Variants in KCNH7 observed in about 807,000 individuals in gnomAD.
KCNH7 encodes potassium voltage-gated channel subfamily H member 7, also known as voltage-gated inwardly rectifying potassium channel KCNH7.
KCNH7 carries 49 observed loss-of-function variants against 120.8 expected under a neutral mutation model. That is an observed-to-expected ratio of 0.41 (90% CI 0.32 to 0.51). The LOEUF is 0.51. KCNH7 is among the 20% of genes least tolerant of loss of function. The pLI is 0.38. For synonymous variants in KCNH7, 547 were observed against 516.1 expected (o/e 1.06, Z -0.81); for missense variants, 1,097 against 1,446.6 (o/e 0.76, Z 3.92).
At chr2:162,633,385 T>G (rs946477748) in intron 2 of KCNH7, among the ~76,000 whole-genome samples, 1 of 152,002 alleles carries the variant, frequency 6.6e-6, no homozygotes. Flanking sequence ...TCCCTTTCTT[T>G]GTGCTTATGA....
At chr2:162,476,612 TA>T (rs1214683124) in intron 6 of KCNH7, among the ~76,000 whole-genome samples, 1 of 152,194 alleles carries the variant, frequency 6.6e-6, no homozygotes, top group Admixed American at 6.5e-5. Context: ...CTTAATATTA[TA>T]GGTTCATTAG....
rs191706456 is a variant in KCNH7, at chr2:162,831,541, T to C, written c.307+4996A>G. Among the ~76,000 whole-genome samples the C allele has an allele frequency of 2.1e-3, 316 of 152,300 alleles. 7 individuals carry two copies. The highest frequency in any genetic ancestry group is 0.018 in the Admixed American group (271 of 15,302). ...TCTAGTATAGATCCCAGATGAATGGTGACACCTCAAAACTTAATACACCAA... is the reference window on the plus strand; with the variant it reads ...TCTAGTATAGATCCCAGATGAATGGCGACACCTCAAAACTTAATACACCAA... On this transcript the variant is annotated intron_variant, in intron 2 of 15. Coordinates refer to ENST00000332142, the MANE Select transcript of KCNH7 (RefSeq NM_033272.4).
chr2:162,710,687 A>G (rs776373794), intron 2 of KCNH7, among the ~76,000 whole-genome samples: 15 of 152,144 alleles, frequency 9.9e-5, no homozygotes, highest in Non-Finnish European at 1.6e-4. Flanking sequence ...TAAGGATGCA[A>G]TAAGTATCAA....
chr2:162,679,648 T>C (rs565556093), intron 2 of KCNH7, among the ~76,000 whole-genome samples: 5 of 151,818 alleles, frequency 3.3e-5, no homozygotes, highest in African/African-American at 9.6e-5. Flanking sequence ...CTTTATATCA[T>C]TATCTTATTT....
At chr2:162,718,701 T>C (rs1687221402) in intron 2 of KCNH7, among the ~76,000 whole-genome samples, 1 of 152,038 alleles carries the variant, frequency 6.6e-6, no homozygotes, top group African/African-American at 2.4e-5. Context: ...TATTATGATA[T>C]ATTTTATGTT....
chr2:162,779,432 C>T (rs1468106250), intron 2 of KCNH7, among the ~76,000 whole-genome samples: 2 of 152,108 alleles, frequency 1.3e-5, no homozygotes, highest in Non-Finnish European at 2.9e-5. Context: ...ATCTCTTGAC[C>T]TCATGATCCA....
chr2:162,813,455 T>G (rs1225386662), intron 2 of KCNH7, among the ~76,000 whole-genome samples: 1 of 152,170 alleles, frequency 6.6e-6, no homozygotes, highest in Non-Finnish European at 1.5e-5. Flanking sequence ...CAGGGGTGAT[T>G]GGTGAGGCTC....
intron 6 of KCNH7, among the ~76,000 whole-genome samples, chr2:162,492,386 C>A (rs1364601918): frequency 6.6e-6 from 1 of 152,186 alleles, no homozygotes; most frequent in Admixed American, 6.5e-5. Context: ...GGGGGCTTGA[C>A]CTTGTAACCA....
chr2:162,780,014 A>G (rs1266452497), intron 2 of KCNH7, among the ~76,000 whole-genome samples: 1 of 152,210 alleles, frequency 6.6e-6, no homozygotes, highest in African/African-American at 2.4e-5. Flanking sequence ...CAAGAATGTT[A>G]GTGGTGCAAA....
At chr2:162,837,528 C>T (rs1257359914) in intron 1 of KCNH7, among the ~76,000 whole-genome samples, 2 of 152,128 alleles carry the variant, frequency 1.3e-5, no homozygotes, top group African/African-American at 4.8e-5. Flanking sequence ...GATTGTGAAG[C>T]AGGATATACA....
At chr2:162,651,900 C>G (rs1684579696) in intron 2 of KCNH7, among the ~76,000 whole-genome samples, 3 of 152,146 alleles carry the variant, frequency 2.0e-5, no homozygotes, top group African/African-American at 7.2e-5. Context: ...GTCATTCTGA[C>G]TGGTGTGAGA....
intron 2 of KCNH7, among the ~76,000 whole-genome samples, chr2:162,752,917 A>G (rs573916914): frequency 1.2e-4 from 7 of 58,598 alleles, no homozygotes; most frequent in African/African-American, 5.2e-4. Context: ...AGAAAAGAAA[A>G]GAAAAGAAAA....
intron 3 of KCNH7, among the ~76,000 whole-genome samples, chr2:162,527,699 G>A (rs1452734154): frequency 6.6e-6 from 1 of 151,910 alleles, no homozygotes; most frequent in Non-Finnish European, 1.5e-5. Flanking sequence ...ATTTTAGTAA[G>A]CGTAAAAGTA....
intron 2 of KCNH7, among the ~76,000 whole-genome samples, chr2:162,709,878 A>G (rs1686860297): frequency 6.6e-6 from 1 of 152,172 alleles, no homozygotes; most frequent in Non-Finnish European, 1.5e-5. Flanking sequence ...ACTGCCCAGT[A>G]TGTACCATGT....
intron 9 of KCNH7, among the ~76,000 whole-genome samples, chr2:162,418,024 G>A (rs771418235): frequency 3.6e-4 from 55 of 152,244 alleles, no homozygotes; most frequent in Non-Finnish European, 6.3e-4. Context: ...TGATAAATTT[G>A]TGTGTTCATA....
chr2:162,817,167 G>A (rs961741979), intron 2 of KCNH7, among the ~76,000 whole-genome samples: 1 of 152,094 alleles, frequency 6.6e-6, no homozygotes, highest in Non-Finnish European at 1.5e-5. Flanking sequence ...ACCCAATCAA[G>A]ATGTAGAATA....
At chr2:162,749,452 T>A (rs1175784604) in intron 2 of KCNH7, among the ~76,000 whole-genome samples, 1 of 152,174 alleles carries the variant, frequency 6.6e-6, no homozygotes, top group Admixed American at 6.6e-5. Context: ...GTGGGGCTTA[T>A]GTCCTAATTT....
At chr2:162,634,916 C>T (rs545271357) in intron 2 of KCNH7, among the ~76,000 whole-genome samples, 4 of 152,122 alleles carry the variant, frequency 2.6e-5, no homozygotes, top group South Asian at 4.1e-4. Flanking sequence ...CAACACCTTC[C>T]GTTCTCTTTA....
At chr2:162,661,474 C>T (rs142185757) in intron 2 of KCNH7, among the ~76,000 whole-genome samples, 42 of 151,916 alleles carry the variant, frequency 2.8e-4, no homozygotes, top group African/African-American at 8.4e-4. Context: ...TTTTTGAGAG[C>T]GTTATTTATA....
Sources: gnomAD v4.1 joint callset for allele counts (sites outside exome capture counted in the v4.1 genomes callset) on GRCh38, gnomAD v4.1.1 for gene constraint, MANE v1.5 for transcripts, NCBI Gene and HGNC (gene_info 2026-07-23, HGNC 2026-07-21) for gene names.